Variants in RAB1B observed in about 807,000 individuals in gnomAD.
The protein encoded by RAB1B is RAB1B, member RAS oncogene family.
RAB1B carries 10 observed loss-of-function variants against 24.8 expected under a neutral mutation model. That is an observed-to-expected ratio of 0.40 (90% CI 0.25 to 0.68). The LOEUF (loss-of-function observed/expected upper bound fraction) is 0.68. Among genes scored for constraint, RAB1B ranks in the 30% least tolerant of loss-of-function variants. The pLI is 0.37. For missense variants in RAB1B, 154 were observed against 271.2 expected (o/e 0.57, Z 3.04); for synonymous variants, 99 against 111.7 (o/e 0.89, Z 0.72).
intron 4 of RAB1B, among the ~76,000 whole-genome samples, chr11:66,274,810 C>A (rs1259622293): frequency 6.7e-6 from 1 of 148,342 alleles, no homozygotes; most frequent in Non-Finnish European, 1.5e-5. Context: ...TGCATCCCAG[C>A]AACATTCCAT....
intron 1 of RAB1B, among the ~76,000 whole-genome samples, chr11:66,269,518 A>G (rs902592532): frequency 1.3e-5 from 2 of 152,180 alleles, no homozygotes; most frequent in Non-Finnish European, 2.9e-5. Context: ...AGTATCAGTT[A>G]TCTTCTTCCT....
Sources: allele counts gnomAD v4.1 joint callset (sites outside exome capture counted in the v4.1 genomes callset), GRCh38; gene constraint gnomAD v4.1.1; transcripts MANE v1.5; gene names NCBI Gene and HGNC (gene_info 2026-07-23, HGNC 2026-07-21).